FERMT2: variants seen among roughly 807,000 people sequenced by gnomAD.
FERMT2 encodes the protein fermitin family homolog 2.
A neutral mutation model predicts 82.7 loss-of-function variants in FERMT2; 15 were observed. That is an observed-to-expected ratio of 0.18 (90% CI 0.12 to 0.28). FERMT2 has a LOEUF of 0.28. Among genes scored for constraint, FERMT2 ranks in the 10% least tolerant of loss-of-function variants. The pLI is 1.00. For synonymous variants in FERMT2, 274 were observed against 271.5 expected, an observed-to-expected ratio of 1.01 and a Z score of -0.09; for missense variants, 645 against 809.4, an observed-to-expected ratio of 0.80 and a Z score of 2.46.
At chr14:52,950,116 G>A (rs1284945494) in intron 2 of FERMT2, among the ~76,000 whole-genome samples, 1 of 152,178 alleles carries the variant, frequency 6.6e-6, no homozygotes, top group Non-Finnish European at 1.5e-5. Context: ...GTCAGTAAAT[G>A]TTAAGAATTA....
At chr14:52,909,805 A>T (rs1399338028) in intron 3 of FERMT2, among the ~76,000 whole-genome samples, 3 of 152,124 alleles carry the variant, frequency 2.0e-5, no homozygotes, top group Non-Finnish European at 4.4e-5. Flanking sequence ...CTGTTATCCC[A>T]GCACTTTGGG....
At chr14:52,875,412 T>A in intron 7 of FERMT2, 55 bp from the exon 8 acceptor site, 1 of 1,306,278 alleles carries the variant, frequency 7.7e-7, no homozygotes, top group Non-Finnish European at 1.1e-6. Flanking sequence ...AACTCTAAAA[T>A]GAAATTACTA....
At chr14:52,928,035 G>C (rs1198836560) in intron 2 of FERMT2, 2 of 382,900 alleles carry the variant, frequency 5.2e-6, no homozygotes, top group African/African-American at 4.2e-5. Context: ...CTTACCTTAA[G>C]TAACCACATC....
chr14:52,945,477 C>T (rs1890300846), intron 2 of FERMT2, among the ~76,000 whole-genome samples: 2 of 152,040 alleles, frequency 1.3e-5, no homozygotes, highest in South Asian at 4.2e-4. Context: ...TGGTCTAGAA[C>T]TCCTGACCTC....
intron 8 of FERMT2, 101 bp from the exon 9 acceptor site, chr14:52,874,327 T>G (rs1292579911): frequency 5.0e-6 from 3 of 597,766 alleles, no homozygotes; most frequent in Non-Finnish European, 8.3e-6. Context: ...ATAAACAGAA[T>G]GACATAAAAT....
At chr14:52,886,601 G>A (rs1594949827) in intron 4 of FERMT2, among the ~76,000 whole-genome samples, 1 of 152,290 alleles carries the variant, frequency 6.6e-6, no homozygotes, top group East Asian at 1.9e-4. Context: ...GAACTAGGGA[G>A]ACTTCTCTGC....
rs184584255 is a variant in FERMT2, at chr14:52,893,851, G to A, written c.392-424C>T. Among the ~76,000 whole-genome samples the A allele has an allele frequency of 2.7e-3, 408 of 149,280 alleles. 1 individual carries two copies. The highest frequency in any genetic ancestry group is 9.6e-3 in the African/African-American group (391 of 40,598). ...AGTTTTGTTTTTTTTTTTTTGAGAC[G>A]GAGTTTCACTCTTGTTACCCAGGCT... On this transcript the variant is annotated intron_variant, in intron 3 of 14. Transcript: ENST00000341590.
intron 3 of FERMT2, among the ~76,000 whole-genome samples, chr14:52,906,873 A>T (rs192481008): frequency 6.6e-6 from 1 of 150,872 alleles, no homozygotes; most frequent in Non-Finnish European, 1.5e-5. Context: ...GCAGACAGAA[A>T]ACATACAGAG....
intron 2 of FERMT2, among the ~76,000 whole-genome samples, chr14:52,933,781 A>T (rs1296551110): frequency 1.3e-5 from 2 of 151,782 alleles, no homozygotes; most frequent in Non-Finnish European, 2.9e-5. Flanking sequence ...CTGTTACTGA[A>T]GTATCTTATA....
At chr14:52,904,690 C>CA (rs921254300) in intron 3 of FERMT2, among the ~76,000 whole-genome samples, 23 of 134,340 alleles carry the variant, frequency 1.7e-4, no homozygotes, top group South Asian at 7.1e-4. Flanking sequence ...AAGACCCTTT[C>CA]AAAAAAAAGA....
intron 2 of FERMT2, among the ~76,000 whole-genome samples, chr14:52,922,482 T>TAAA: frequency 6.7e-6 from 1 of 149,492 alleles, no homozygotes; most frequent in African/African-American, 2.5e-5. Flanking sequence ...TTTATTAAAT[T>TAAA]AAAAAAAAAA....
intron 2 of FERMT2, among the ~76,000 whole-genome samples, chr14:52,923,290 A>T (rs980803391): frequency 2.0e-5 from 3 of 152,114 alleles, no homozygotes; most frequent in African/African-American, 4.8e-5. Flanking sequence ...TATGAAACAC[A>T]GCCACACTAC....
intron 10 of FERMT2, among the ~76,000 whole-genome samples, chr14:52,865,490 CTTA>C (rs540105384): frequency 3.9e-5 from 6 of 152,118 alleles, no homozygotes; most frequent in African/African-American, 7.2e-5. Context: ...TTCTTTGTCA[CTTA>C]TTAATAATAA....
rs1885711870 is a variant in FERMT2 at position 52,872,878 on chromosome 14, G to A, written c.1194C>T (p.Thr398=). The A allele has an allele frequency of 6.2e-7, 1 of 1,613,724 alleles. No homozygotes were observed. The highest frequency in any genetic ancestry group is 1.7e-5 in the Admixed American group (1 of 59,992). ...TLKGYKQYWC[T]FKDTSISCYK... is the part of the protein sequence containing the mutation. ...AACAAGAAATGGATGTGTCTTTGAA[G>A]GTGCACCAATATTGTTTGTAACCTT... is the stretch of plus-strand genomic sequence containing the variant. The change falls in exon 10 of 15, where the codon ACC becomes ACT. Residue 398 remains threonine, a synonymous_variant. Transcript: ENST00000341590.
At chr14:52,864,997 A>AT in intron 10 of FERMT2, 144 bp from the exon 11 acceptor site, 2 of 605,570 alleles carry the variant, frequency 3.3e-6, no homozygotes, top group South Asian at 4.2e-5. Context: ...AGAAGGTAAC[A>AT]TACACATATA....
intron 2 of FERMT2, among the ~76,000 whole-genome samples, chr14:52,925,714 T>G (rs374153416): frequency 1.4e-3 from 215 of 152,218 alleles, no homozygotes; most frequent in African/African-American, 5.1e-3. Flanking sequence ...TCTCAACTCA[T>G]TGCAACCTCC....
At chr14:52,887,019 A>G (rs1360875046) in intron 4 of FERMT2, among the ~76,000 whole-genome samples, 4 of 152,078 alleles carry the variant, frequency 2.6e-5, no homozygotes, top group South Asian at 2.1e-4. Flanking sequence ...CTTTTGTTAG[A>G]AAAAAAATGA....
intron 4 of FERMT2, among the ~76,000 whole-genome samples, chr14:52,883,899 G>A (rs942479242): frequency 3.6e-4 from 55 of 151,976 alleles, no homozygotes; most frequent in East Asian, 3.9e-4. Context: ...CTCCTCCTCC[G>A]CCTTCCGCTG....
Position 52,924,909 on chromosome 14 carries a change from T to A in FERMT2, c.158-5553A>T, listed in dbSNP as rs1313252086. On this transcript the variant is annotated intron_variant, in intron 2 of 14. Coordinates refer to ENST00000341590, the MANE Select transcript of FERMT2 (RefSeq NM_006832.3). ...ATTTCAGATCATTTATAATTATTTA[T>A]AATTATCATTCACTAATTTGCCCTT... Among the ~76,000 whole-genome samples, 6 of 152,324 alleles carry A rather than the reference T, an allele frequency of 3.9e-5. No individual in the cohort carries two copies. In the East Asian group the frequency reaches 1.2e-3, roughly 29 times the overall value.
Sources: gnomAD v4.1 joint callset for allele counts (sites outside exome capture counted in the v4.1 genomes callset) on GRCh38, gnomAD v4.1.1 for gene constraint, MANE v1.5 for transcripts, NCBI Gene and HGNC (gene_info 2026-07-23, HGNC 2026-07-21) for gene names.